PDE2A: variants seen among roughly 807,000 people sequenced by gnomAD.
PDE2A encodes phosphodiesterase 2A, also known as cGMP-dependent 3',5'-cyclic phosphodiesterase.
PDE2A carries 53 observed loss-of-function variants against 133.6 expected under a neutral mutation model. That is an observed-to-expected ratio of 0.40 (90% CI 0.32 to 0.50). PDE2A has a LOEUF of 0.50. PDE2A is among the 20% of genes least tolerant of loss of function. The probability of loss-of-function intolerance (pLI) is 0.73; values close to 1 mark genes in which losing one functional copy is unlikely to be tolerated. For missense variants in PDE2A, 796 were observed against 1,232.4 expected (o/e 0.65, Z 5.30); for synonymous variants, 491 against 490.2 (o/e 1.00, Z -0.02).
intron 4 of PDE2A, chr11:72,599,163 C>CCAA (rs1856622816): frequency 3.3e-6 from 1 of 304,454 alleles, no homozygotes; most frequent in Admixed American, 6.5e-5. Flanking sequence ...CTGCCGACTC[C>CCAA]CAACTATTTC....
rs114275695 is a variant in PDE2A, at chr11:72,649,731, G to A, written c.72-7405C>T. 2.5e-3 allele frequency among the ~76,000 whole-genome samples: 379 copies of A among 152,198 alleles called. 3 individuals carry two copies. The highest frequency in any genetic ancestry group is 8.6e-3 in the African/African-American group (358 of 41,506). ...CAGGGAACTCACTTTCTTACCAGCC[G>A]GCTCCTTCCCATGTGGGATGGCTGT... On this transcript the variant is annotated intron_variant, in intron 1 of 30. Coordinates refer to ENST00000334456, the MANE Select transcript of PDE2A (RefSeq NM_002599.5).
At chr11:72,592,907 G>A (rs1292567414) in intron 6 of PDE2A, among the ~76,000 whole-genome samples, 1 of 152,012 alleles carries the variant, frequency 6.6e-6, no homozygotes, top group Non-Finnish European at 1.5e-5. Context: ...GAGAAGCTGG[G>A]GCTATGGTTC....
chr11:72,590,145 G>A lies in PDE2A; in HGVS notation c.756+47C>T. ...GGGCTCAAGGGGAAGTTGGTCCCCG[G>A]AGGGAGACAGGACGGGGAGGTGGCC... On this transcript the variant is annotated intron_variant, in intron 9 of 30. Transcript: ENST00000334456. The surrounding 1 kb of genome is among the most constrained non-coding windows in gnomAD (Gnocchi z 4.8). The A allele has an allele frequency of 6.6e-7, 1 of 1,508,576 alleles. No homozygotes were observed. The highest frequency in any genetic ancestry group is 9.0e-7 in the Non-Finnish European group (1 of 1,110,218). 93.4% of individuals were successfully genotyped at this position (1,508,576 alleles called of 1,614,324 possible). A position where few individuals can be genotyped will look rare whatever the true frequency, so the allele number is the denominator to read the frequency against.
At chr11:72,624,456 G>A (rs458275) in intron 2 of PDE2A, among the ~76,000 whole-genome samples, 60,361 of 151,804 alleles carry the variant, frequency 0.4, 12,579 homozygotes, top group Middle Eastern at 0.53. Flanking sequence ...AGCATCACAC[G>A]CCCACTTCCA....
At chr11:72,580,796 ACTCG>A in intron 24 of PDE2A, 86 bp downstream of exon 24, 1 of 999,060 alleles carries the variant, frequency 1.0e-6, no homozygotes, top group Non-Finnish European at 1.6e-6. Context: ...TCCTGGTCTC[ACTCG>A]CTCCCACCCA....
chr11:72,587,627 C>T (rs377261265), intron 13 of PDE2A, among the ~76,000 whole-genome samples: 1 of 152,222 alleles, frequency 6.6e-6, no homozygotes, highest in South Asian at 2.1e-4. Flanking sequence ...CCCCAAAGGC[C>T]TTCCCAAGGC....
At position 72,590,283 on chromosome 11, in the gene PDE2A, C is replaced by T. The variant is rs1409325816; in HGVS notation, c.704-39G>A. Reference sequence around the variant, plus strand: ...GCGCCGGTCAGAGAGAGGGCCCCTCCGCACCTCCGTGTCCGGGTCCCTCAG... The same window carrying T: ...GCGCCGGTCAGAGAGAGGGCCCCTCTGCACCTCCGTGTCCGGGTCCCTCAG... On this transcript the variant is annotated intron_variant, in intron 8 of 30. Transcript: ENST00000334456. The surrounding 1 kb of genome is among the most constrained non-coding windows in gnomAD (Gnocchi z 4.8). The T allele has an allele frequency of 4.5e-6, 7 of 1,546,386 alleles. No individual in the cohort carries two copies. Among genetic ancestry groups the T allele is most frequent in the East Asian group, 2.4e-5 (1 of 40,908 alleles).
chr11:72,615,498 A>G (rs2135381635), intron 2 of PDE2A, among the ~76,000 whole-genome samples: 1 of 152,254 alleles, frequency 6.6e-6, no homozygotes, highest in Middle Eastern at 3.4e-3. Context: ...CAGAGTGGGT[A>G]GAGGGAGGGA....
chr11:72,579,804 G>C (rs966538877), intron 25 of PDE2A, 196 bp from the exon 26 acceptor site: 7 of 577,138 alleles, frequency 1.2e-5, no homozygotes, highest in Non-Finnish European at 2.2e-5. Context: ...TGAGTCCCTA[G>C]ACCACTCTGA....
Position 72,582,531 on chromosome 11 carries a change from A to G in PDE2A, c.1764T>C (p.Asp588=), listed in dbSNP as rs769339651. 1 of 1,613,614 alleles carries G rather than the reference A, an allele frequency of 6.2e-7. No homozygotes were observed. Among genetic ancestry groups the G allele is most frequent in the East Asian group, 2.2e-5 (1 of 44,884 alleles). The change falls in exon 21 of 31, where the codon GAT becomes GAC. Residue 588 remains aspartate, a synonymous_variant. Transcript: ENST00000334456. ...SDDEYTKLLH[D]GIQPVAAIDS... is the part of the protein sequence containing the mutation. Reference sequence around the variant, plus strand: ...CAATGGCAGCCACAGGCTGGATCCCATCATGGAGAAGTTTGGTATACTCAT... The same window carrying G: ...CAATGGCAGCCACAGGCTGGATCCCGTCATGGAGAAGTTTGGTATACTCAT...
At position 72,577,398 on chromosome 11, in the gene PDE2A, G is replaced by C; in HGVS notation, c.2812C>G (p.Leu938Val). 6.2e-7 allele frequency: 1 copy of C among 1,613,174 alleles called. No individual in the cohort carries two copies. The highest frequency in any genetic ancestry group is 8.5e-7 in the Non-Finnish European group (1 of 1,179,556). The change falls in exon 31 of 31, where the codon CTT becomes GTT. Residue 938 changes from leucine to valine, a missense_variant. Around this residue, in one of 7 missense-constraint regions of PDE2A, gnomAD observed 83 missense variants for 99.0 expected, o/e 0.84. Transcript: ENST00000334456. ...TRAPINGCCS[L>V]DAE Reference sequence around the variant, plus strand: ...CCTGGAGGGGATCACTCAGCATCAAGGCTGCAGCAGCCATTGATGGGGGCC... The same window carrying C: ...CCTGGAGGGGATCACTCAGCATCAACGCTGCAGCAGCCATTGATGGGGGCC...
intron 14 of PDE2A, 37 bp downstream of exon 14, chr11:72,586,033 G>T: frequency 8.1e-7 from 1 of 1,229,020 alleles, no homozygotes; most frequent in Non-Finnish European, 1.2e-6. Context: ...AACTGAGCGA[G>T]TCGGTGCCCG....
chr11:72,631,654 C>G (rs967071907), intron 2 of PDE2A, among the ~76,000 whole-genome samples: 1 of 152,158 alleles, frequency 6.6e-6, no homozygotes. Context: ...CCCAGCCTGG[C>G]GCCCAGTCAT....
In PDE2A at chr11:72,586,085, G is replaced by A. The variant is rs149180422; in HGVS notation, c.1167C>T (p.Leu389=). The change falls in exon 14 of 31, where the codon CTC becomes CTT. Residue 389 remains leucine, a synonymous_variant. Coordinates refer to ENST00000334456, the MANE Select transcript of PDE2A (RefSeq NM_002599.5). Reference sequence around the variant, plus strand: ...GGTCACTCACCTGGCACTCACACTTGAGTTTCTGTTCCTTCTGGAAGGCCA... The same window carrying A: ...GGTCACTCACCTGGCACTCACACTTAAGTTTCTGTTCCTTCTGGAAGGCCA... ...STLAFQKEQK[L]KCECQALLQV... is the part of the protein sequence containing the mutation. The A allele has an allele frequency of 3.4e-5, 54 of 1,607,004 alleles. No individual in the cohort carries two copies. The highest frequency in any genetic ancestry group is 1.8e-4 in the Admixed American group (11 of 59,602).
At position 72,589,965 on chromosome 11, in the gene PDE2A, C is replaced by G. The variant is rs758850043; in HGVS notation, c.773G>C (p.Arg258Pro). 2.5e-6 allele frequency: 4 copies of G among 1,612,474 alleles called. No homozygotes were observed. The highest frequency in any genetic ancestry group is 3.3e-5 in the Admixed American group (2 of 59,924). ...KVLQYLQQET[R>P]ASRCCLLLVS... is the part of the protein sequence containing the mutation. ...CAGCAGGAGGCAGCAGCGGGATGCC[C>G]GGGTCTCCTGCTGCAGCTGAGAGAG... The change falls in exon 10 of 31, where the codon CGG becomes CCG. Residue 258 changes from arginine (R) to proline (P), a missense_variant. By Grantham distance (103) the Arg-to-Pro change is moderately radical. Coordinates refer to ENST00000334456, the MANE Select transcript of PDE2A (RefSeq NM_002599.5).
intron 2 of PDE2A, among the ~76,000 whole-genome samples, chr11:72,614,882 C>T (rs1273899634): frequency 2.6e-5 from 4 of 152,096 alleles, no homozygotes; most frequent in African/African-American, 9.7e-5. Flanking sequence ...ATATGGATAA[C>T]AAGGCAGTAT....
At chr11:72,642,167 C>A in intron 2 of PDE2A, 87 bp downstream of exon 2, 1 of 1,348,974 alleles carries the variant, frequency 7.4e-7, no homozygotes, top group South Asian at 1.8e-5. Context: ...GGTCTCCTCC[C>A]TGAGAAGGGT....
chr11:72,669,576 C>A (rs1230105455), intron 1 of PDE2A, among the ~76,000 whole-genome samples: 7 of 152,160 alleles, frequency 4.6e-5, no homozygotes, highest in African/African-American at 1.7e-4. Context: ...CCACGGCCAC[C>A]ACCCTGGAGG....
intron 2 of PDE2A, among the ~76,000 whole-genome samples, chr11:72,616,515 T>G (rs1357197702): frequency 6.6e-6 from 1 of 152,256 alleles, no homozygotes; most frequent in Non-Finnish European, 1.5e-5. Flanking sequence ...GGTAAACTCC[T>G]GTGTGCCCAG....
Sources: gnomAD v4.1 joint callset for allele counts (sites outside exome capture counted in the v4.1 genomes callset) on GRCh38, gnomAD v4.1.1 for gene constraint, gnomAD v4.1.1 regional missense constraint, Gnocchi (gnomAD v3.1) non-coding constraint, MANE v1.5 for transcripts, NCBI Gene and HGNC (gene_info 2026-07-23, HGNC 2026-07-21) for gene names.